The following FRMD6 variants were observed in gnomAD, a reference collection of about 807,000 sequenced individuals.
FRMD6 encodes the protein FERM domain-containing protein 6.
A neutral mutation model predicts 73.2 loss-of-function variants in FRMD6; 37 were observed. The ratio of observed to expected loss-of-function variants is 0.51; its 90% CI spans 0.39 to 0.66. The LOEUF (loss-of-function observed/expected upper bound fraction) is 0.66, where lower values mean the gene tolerates loss of function less well. FRMD6 is among the 30% of genes least tolerant of loss of function. The pLI is 0.00. For synonymous variants in FRMD6, 273 were observed against 282.2 expected (o/e 0.97, Z 0.33); for missense variants, 714 against 780.5 (o/e 0.91, Z 1.02).
intron 9 of FRMD6, chr14:51,713,641 A>C (rs1897077807): frequency 6.6e-6 from 1 of 152,094 alleles, no homozygotes; most frequent in East Asian, 1.9e-4. Context: ...TATTGCAAAT[A>C]GAATGTGGGC....
At chr14:51,458,557 A>G in the FRMD6 span, among the ~76,000 whole-genome samples, 1 of 152,200 alleles carries the variant, frequency 6.6e-6, no homozygotes, top group South Asian at 2.1e-4. Context: ...CTATCTCTAC[A>G]GACCATTAGT....
the FRMD6 span, among the ~76,000 whole-genome samples, chr14:51,415,560 T>C: frequency 6.6e-6 from 1 of 152,198 alleles, no homozygotes; most frequent in Non-Finnish European, 1.5e-5. Flanking sequence ...TTGGCCAGTG[T>C]TTTATTGAGG....
At chr14:51,587,740 GC>G (rs1889136825) in intron 2 of FRMD6, among the ~76,000 whole-genome samples, 1 of 152,196 alleles carries the variant, frequency 6.6e-6, no homozygotes, top group South Asian at 2.1e-4. Flanking sequence ...TCAGTGTTTT[GC>G]TTTGAATAGT....
At chr14:51,634,231 G>A (rs1006421544) in intron 2 of FRMD6, among the ~76,000 whole-genome samples, 4 of 152,092 alleles carry the variant, frequency 2.6e-5, no homozygotes, top group East Asian at 1.9e-4. Context: ...CTTATTACAC[G>A]TTGGGAGATA....
the FRMD6 span, among the ~76,000 whole-genome samples, chr14:51,462,442 T>G: frequency 7.2e-5 from 11 of 152,332 alleles, no homozygotes; most frequent in African/African-American, 2.6e-4. Context: ...TGTGCCTGCT[T>G]GAACTGGCTC....
chr14:51,697,985 C>G, intron 2 of FRMD6, 157 bp from the exon 3 acceptor site: 1 of 538,848 alleles, frequency 1.9e-6, no homozygotes, highest in South Asian at 2.3e-5. Context: ...GAAACACAAC[C>G]CCAGGTTAAA....
At chr14:51,540,999 TTCC>T (rs1886173829) in intron 1 of FRMD6, among the ~76,000 whole-genome samples, 1 of 152,140 alleles carries the variant, frequency 6.6e-6, no homozygotes. Context: ...TCTCTTAACT[TTCC>T]TCCTATTTCA....
In FRMD6 at chr14:51,702,547, C is replaced by T; in HGVS notation, c.330C>T (p.His110=). Residue 110 remains histidine, a synonymous_variant, in exon 5 of 14, where the codon CAC becomes CAT. Coordinates refer to ENST00000344768, the MANE Select transcript of FRMD6 (RefSeq NM_001267046.2). ...AATTTGGGCCTCCTATGATCATCCA[C>T]TTCCGTGTGCAGTACTATGTGGAAA... ...IDQFGPPMII[H]FRVQYYVENG... 1 of 1,611,968 alleles carries T rather than the reference C, an allele frequency of 6.2e-7. No individual in the cohort carries two copies. Among genetic ancestry groups the T allele is most frequent in the South Asian group, 1.1e-5 (1 of 90,984 alleles).
intron 1 of FRMD6, among the ~76,000 whole-genome samples, chr14:51,550,157 C>T (rs867399108): frequency 2.0e-5 from 3 of 152,220 alleles, no homozygotes; most frequent in African/African-American, 7.2e-5. Flanking sequence ...AAGAAATTCA[C>T]TCCAGGGAGT....
At chr14:51,416,785 T>C in the FRMD6 span, among the ~76,000 whole-genome samples, 2 of 152,158 alleles carry the variant, frequency 1.3e-5, no homozygotes, top group African/African-American at 4.8e-5. Context: ...AGTGTGGGAG[T>C]CTAAGTCTCT....
At chr14:51,593,543 C>T (rs762512889) in intron 2 of FRMD6, among the ~76,000 whole-genome samples, 5 of 152,336 alleles carry the variant, frequency 3.3e-5, no homozygotes, top group South Asian at 2.1e-4. Flanking sequence ...GGCTGCTGCA[C>T]GTATATTCCT....
chr14:51,725,220 G>C (rs752660830), intron 12 of FRMD6, among the ~76,000 whole-genome samples: 2 of 152,108 alleles, frequency 1.3e-5, no homozygotes, highest in Admixed American at 1.3e-4. Context: ...GATTTTATAC[G>C]AGAAGGAGAC....
chr14:51,518,690 C>G (rs1884777344), intron 1 of FRMD6, among the ~76,000 whole-genome samples: 1 of 152,132 alleles, frequency 6.6e-6, no homozygotes. Context: ...TGCATTTTCT[C>G]TCATTTTGGA....
At chr14:51,424,559 A>G in the FRMD6 span, among the ~76,000 whole-genome samples, 1 of 152,214 alleles carries the variant, frequency 6.6e-6, no homozygotes, top group Non-Finnish European at 1.5e-5. Flanking sequence ...TCCTGTGGAT[A>G]CCCAAATATA....
Position 51,550,587 on chromosome 14 carries a change from CG to C in FRMD6, c.-209-19760del, listed in dbSNP as rs67596347. On this transcript the variant is annotated intron_variant, in intron 1 of 14. Coordinates refer to the FRMD6 transcript ENST00000356218. ...AGGGCAGCTTGGGAGGAGACCCCCC[CG>C]CCATGCTTATAGCTTGAATGGATTC... 2.0e-3 allele frequency among the ~76,000 whole-genome samples: 300 copies of C among 147,808 alleles called. 4 individuals are homozygous for C. Among genetic ancestry groups the C allele is most frequent in the African/African-American group, 7.1e-3 (291 of 41,006 alleles).
At chr14:51,447,855 A>G in the FRMD6 span, among the ~76,000 whole-genome samples, 2 of 152,248 alleles carry the variant, frequency 1.3e-5, no homozygotes, top group South Asian at 4.1e-4. Context: ...CACCTTACTT[A>G]TAACTTTAAA....
chr14:51,671,683 T>A lies in FRMD6; in HGVS notation c.-146-18008T>A, dbSNP rs982089973. Among the ~76,000 whole-genome samples the A allele has an allele frequency of 7.9e-5, 12 of 152,154 alleles. No individual in the cohort carries two copies. The East Asian group carries it at 1.7e-3, about 22-fold the overall frequency. On this transcript the variant is annotated intron_variant, in intron 1 of 13. Transcript: ENST00000344768. ...GGAAGAATGGTGAAATCACTGGTGC[T>A]TTAGAAAAAGTTTATGGGGACAGTG...
rs962807528 is a variant in FRMD6 at position 51,702,601 on chromosome 14, G to A, written c.371+13G>A. On this transcript the variant is annotated intron_variant, in intron 5 of 13. Transcript: ENST00000344768. ...GCAGATTGATCAGGTAAGAGGACAG[G>A]GGGTGATTCTAAACGCTTTTTTTTC... 2 of 1,603,318 alleles carry A rather than the reference G, an allele frequency of 1.2e-6. No homozygotes were observed. Among genetic ancestry groups the A allele is most frequent in the Non-Finnish European group, 1.7e-6 (2 of 1,173,608 alleles).
intron 2 of FRMD6, among the ~76,000 whole-genome samples, chr14:51,645,434 T>C (rs1892019956): frequency 2.6e-5 from 4 of 151,924 alleles, no homozygotes; most frequent in South Asian, 2.1e-4. Flanking sequence ...AGAGCCTTTT[T>C]TTCTTCTTCT....
Sources: allele counts gnomAD v4.1 joint callset (sites outside exome capture counted in the v4.1 genomes callset), GRCh38; gene constraint gnomAD v4.1.1; transcripts MANE v1.5; gene names NCBI Gene and HGNC (gene_info 2026-07-23, HGNC 2026-07-21).